The following PHC3 variants were observed in gnomAD, a reference collection of about 807,000 sequenced individuals.
PHC3 encodes the protein polyhomeotic-like protein 3.
PHC3 carries 13 observed loss-of-function variants against 107.4 expected under a neutral mutation model. The observed-to-expected ratio is 0.12, with a 90% CI of 0.08 to 0.19. PHC3 has a LOEUF of 0.19. Ranked by LOEUF, PHC3 falls within the 10% of genes least tolerant of loss-of-function variation. The pLI is 1.00. For synonymous variants in PHC3, 456 were observed against 427.4 expected (o/e 1.07, Z -0.83); for missense variants, 992 against 1,210.9 (o/e 0.82, Z 2.68).
chr3:170,159,114 G>C (rs975514410), intron 4 of PHC3, among the ~76,000 whole-genome samples: 4 of 151,700 alleles, frequency 2.6e-5, no homozygotes, highest in Non-Finnish European at 5.9e-5. Flanking sequence ...AGCAGGGCGT[G>C]GTGGCAGGCG....
rs553486142 is a variant in PHC3 at position 170,127,870 on chromosome 3, A to G, written c.1788+814T>C. 2.7e-4 allele frequency among the ~76,000 whole-genome samples: 41 copies of G among 152,294 alleles called. No individual in the cohort carries two copies. In the South Asian group the frequency reaches 7.9e-3, roughly 29 times the overall value. Reference sequence around the variant, plus strand: ...TGTTTAAAGAAAAGTATTTTTCAAGATAATTTTTCTTTCTAGGCAACAATT... The same window carrying G: ...TGTTTAAAGAAAAGTATTTTTCAAGGTAATTTTTCTTTCTAGGCAACAATT... On this transcript the variant is annotated intron_variant, in intron 8 of 14. Transcript: ENST00000495893.
At chr3:170,126,105 A>C in intron 8 of PHC3, 6 of 296,848 alleles carry the variant, frequency 2.0e-5, no homozygotes, top group Non-Finnish European at 3.0e-5. Flanking sequence ...ATCTTAAAAA[A>C]CATACTGATT....
intron 12 of PHC3, among the ~76,000 whole-genome samples, chr3:170,105,863 C>T (rs1716398516): frequency 6.6e-6 from 1 of 152,110 alleles, no homozygotes; most frequent in Non-Finnish European, 1.5e-5. Context: ...TTAACATAAA[C>T]CAAACTTGGG....
chr3:170,159,722 GA>G (rs1727555174), intron 4 of PHC3, among the ~76,000 whole-genome samples: 1 of 152,060 alleles, frequency 6.6e-6, no homozygotes, highest in Non-Finnish European at 1.5e-5. Flanking sequence ...ACATTGCCAT[GA>G]AACTACAAAA....
intron 8 of PHC3, among the ~76,000 whole-genome samples, chr3:170,126,528 A>ATATATATATATATATATT (rs370421296): frequency 2.2e-5 from 2 of 90,638 alleles, no homozygotes; most frequent in African/African-American, 9.0e-5. Flanking sequence ...ATATATATAT[A>ATATATATATATATATATT]TTTTTTTTTT....
chr3:170,146,877 C>CTT (rs1035803336), intron 5 of PHC3, among the ~76,000 whole-genome samples: 1,473 of 97,880 alleles, frequency 0.015, 27 homozygotes, highest in African/African-American at 0.036. Flanking sequence ...TCTATTTTTT[C>CTT]TTTTTTTTTT....
Position 170,128,803 on chromosome 3 carries a change from C to G in PHC3, c.1669G>C (p.Glu557Gln). Residue 557 changes from glutamate to glutamine, a missense_variant, in exon 8 of 15, where the codon GAA becomes CAA. This residue lies in a region of PHC3 where 543 missense variants were observed against 590.8 expected (regional missense o/e 0.92). Transcript: ENST00000495893. Reference protein sequence around the residue: ...QVLVQNALVSEEELPAAEALV... With the variant: ...QVLVQNALVSQEELPAAEALV... The stretch of plus-strand genomic sequence containing the variant: ...GCTTCTGCAGCTGGAAGTTCCTCTT[C>G]TGACACCAAAGCATTCTGCACCAAA... 6.2e-7 allele frequency: 1 copy of G among 1,613,960 alleles called. No individual in the cohort carries two copies. Among genetic ancestry groups the G allele is most frequent in the Non-Finnish European group, 8.5e-7 (1 of 1,179,874 alleles).
At chr3:170,135,777 A>G (rs935279163) in intron 7 of PHC3, among the ~76,000 whole-genome samples, 1 of 152,176 alleles carries the variant, frequency 6.6e-6, no homozygotes, top group African/African-American at 2.4e-5. Flanking sequence ...TTCAATCCTG[A>G]GAAATTCTGA....
intron 4 of PHC3, among the ~76,000 whole-genome samples, chr3:170,158,251 T>C (rs902600601): frequency 2.0e-5 from 3 of 152,198 alleles, no homozygotes; most frequent in Non-Finnish European, 2.9e-5. Context: ...ATGTGATCCT[T>C]AATTAAATAT....
intron 12 of PHC3, among the ~76,000 whole-genome samples, chr3:170,103,350 T>C (rs1715837583): frequency 1.3e-5 from 2 of 152,178 alleles, no homozygotes; most frequent in South Asian, 4.1e-4. Flanking sequence ...CAAAGAGACA[T>C]TAATTTTTAA....
intron 8 of PHC3, among the ~76,000 whole-genome samples, chr3:170,126,635 G>A (rs941933321): frequency 1.3e-5 from 2 of 150,440 alleles, no homozygotes; most frequent in East Asian, 2.0e-4. Context: ...TCTGCCTCAC[G>A]GGTTCAAGCC....
At chr3:170,122,120 G>A (rs1720467033) in intron 9 of PHC3, among the ~76,000 whole-genome samples, 1 of 152,146 alleles carries the variant, frequency 6.6e-6, no homozygotes, top group South Asian at 2.1e-4. Context: ...TGTGCTGGAA[G>A]GTTCCTGTAG....
intron 4 of PHC3, among the ~76,000 whole-genome samples, chr3:170,161,482 C>G (rs1252241828): frequency 6.6e-6 from 1 of 152,110 alleles, no homozygotes; most frequent in Admixed American, 6.6e-5. Context: ...GCATTAGATT[C>G]TCAAACCTAG....
At chr3:170,161,648 G>T (rs747610570) in intron 4 of PHC3, among the ~76,000 whole-genome samples, 10 of 152,298 alleles carry the variant, frequency 6.6e-5, no homozygotes, top group Non-Finnish European at 1.2e-4. Flanking sequence ...CCACAAAGCA[G>T]TACCGTTCCA....
At chr3:170,172,905 C>G (rs1286026718) in intron 2 of PHC3, among the ~76,000 whole-genome samples, 193 bp from the exon 3 acceptor site, 2 of 152,076 alleles carry the variant, frequency 1.3e-5, no homozygotes, top group African/African-American at 4.8e-5. Flanking sequence ...TAAAACTACC[C>G]AGTGGGCCGG....
chr3:170,107,500 T>A (rs2108300549), intron 11 of PHC3, among the ~76,000 whole-genome samples: 1 of 152,274 alleles, frequency 6.6e-6, no homozygotes, highest in South Asian at 2.1e-4. Context: ...GATGCATATA[T>A]CAGGAGGCTG....
chr3:170,123,661 C>T (rs1420234912), intron 8 of PHC3, among the ~76,000 whole-genome samples: 2 of 151,528 alleles, frequency 1.3e-5, no homozygotes, highest in Admixed American at 6.6e-5. Context: ...GGCATGGTGG[C>T]GGGCGCCTGT....
intron 10 of PHC3, among the ~76,000 whole-genome samples, chr3:170,116,840 G>T: frequency 6.6e-6 from 1 of 151,704 alleles, no homozygotes; most frequent in African/African-American, 2.4e-5. Context: ...GAGCCCCAGG[G>T]GTCAAGGTAA....
rs1247560877 is a variant in PHC3, at chr3:170,097,065, AATT to A, written c.*162_*164del. ...TTATTAATTATGAAAATGCATGATG[AATT>A]ATTATACCTGTAGAAGAAATGTCAG... is the stretch of plus-strand genomic sequence containing the variant. On this transcript the variant is annotated 3_prime_UTR_variant, in exon 15 of 15. Coordinates refer to ENST00000495893, the MANE Select transcript of PHC3 (RefSeq NM_024947.4). This position sits in a 1 kb window ranked among gnomAD's most constrained non-coding sequence, Gnocchi z 4.1. 3 of 538,042 alleles carry A rather than the reference AATT, an allele frequency of 5.6e-6. No individual in the cohort carries two copies. In the African/African-American group the frequency reaches 5.7e-5, roughly 10 times the overall value. 33.3% of individuals were successfully genotyped at this position (538,042 alleles called of 1,614,324 possible). A position where few individuals can be genotyped will look rare whatever the true frequency, so the allele number is the denominator to read the frequency against.
Sources: allele counts gnomAD v4.1 joint callset (sites outside exome capture counted in the v4.1 genomes callset), GRCh38; gene constraint gnomAD v4.1.1; regional missense constraint gnomAD v4.1.1; non-coding constraint Gnocchi (gnomAD v3.1); transcripts MANE v1.5; gene names NCBI Gene and HGNC (gene_info 2026-07-23, HGNC 2026-07-21).